Variants in FAM184A observed in about 807,000 individuals in gnomAD.
FAM184A encodes the protein protein FAM184A.
A neutral mutation model predicts 143.8 loss-of-function variants in FAM184A; 99 were observed. That is an observed-to-expected ratio of 0.69 (90% CI 0.58 to 0.81). FAM184A has a LOEUF of 0.81. Ranked by LOEUF, FAM184A falls within the 40% of genes least tolerant of loss-of-function variation. The pLI, the probability that FAM184A is intolerant of heterozygous loss-of-function variation, is 0.00. For synonymous variants in FAM184A, 427 were observed against 446.4 expected, an observed-to-expected ratio of 0.96 and a Z score of 0.55; for missense variants, 1,217 against 1,310.5, an observed-to-expected ratio of 0.93 and a Z score of 1.10.
chr6:118,977,362 A>G (rs1783877367), intron 11 of FAM184A, among the ~76,000 whole-genome samples: 1 of 152,178 alleles, frequency 6.6e-6, no homozygotes, highest in Admixed American at 6.5e-5. Flanking sequence ...CCCGTAGATC[A>G]CTTGAGGCCT....
intron 9 of FAM184A, among the ~76,000 whole-genome samples, chr6:119,001,855 G>A (rs946453068): frequency 6.6e-6 from 1 of 152,148 alleles, no homozygotes; most frequent in African/African-American, 2.4e-5. Flanking sequence ...GTCCTTGTGG[G>A]TCCCTAAAAG....
At chr6:119,048,089 C>A (rs1202787388) in intron 1 of FAM184A, among the ~76,000 whole-genome samples, 1 of 152,028 alleles carries the variant, frequency 6.6e-6, no homozygotes, top group Admixed American at 6.6e-5. Context: ...CCCAAGTGAA[C>A]AAATGTGATT....
At chr6:119,029,780 C>T (rs1353714218) in intron 1 of FAM184A, among the ~76,000 whole-genome samples, 1 of 152,086 alleles carries the variant, frequency 6.6e-6, no homozygotes, top group African/African-American at 2.4e-5. Context: ...CAAACTACAA[C>T]CTGTAGGCCA....
At chr6:119,114,345 C>T (rs546840022) in intron 1 of FAM184A, among the ~76,000 whole-genome samples, 2 of 152,192 alleles carry the variant, frequency 1.3e-5, no homozygotes, top group Non-Finnish European at 2.9e-5. Flanking sequence ...CCTGATTCCT[C>T]CCATGAATTT....
chr6:119,033,990 C>CAAAAA (rs59719185), intron 1 of FAM184A, among the ~76,000 whole-genome samples: 3 of 17,392 alleles, frequency 1.7e-4, no homozygotes, highest in Non-Finnish European at 2.7e-4. Context: ...GACTCTGTCT[C>CAAAAA]AAAAAAAAAA....
rs200506769 is a variant in FAM184A at position 119,078,170 on chromosome 6, T to C, written c.130A>G (p.Met44Val). ...GTGAGCTGGGCGATTTTCTTGCTCATTTTCAGGTGCATCTCCTGGCTGTAG... is the reference window on the plus strand; with the variant it reads ...GTGAGCTGGGCGATTTTCTTGCTCACTTTCAGGTGCATCTCCTGGCTGTAG... ...MDYSQEMHLK[M>V]SKKIAQLTKV... The change falls in exon 1 of 18, where the codon ATG becomes GTG. Residue 44 changes from methionine (M) to valine (V), a missense_variant. Coordinates refer to ENST00000338891, the MANE Select transcript of FAM184A (RefSeq NM_024581.6). This position sits in a 1 kb window ranked among gnomAD's most constrained non-coding sequence, Gnocchi z 5.5. 85 of 1,593,228 alleles carry C rather than the reference T, an allele frequency of 5.3e-5. No homozygotes were observed. In the African/African-American group the frequency reaches 1.0e-3, roughly 20 times the overall value.
intron 1 of FAM184A, among the ~76,000 whole-genome samples, chr6:119,087,459 T>C (rs1486759006): frequency 6.6e-6 from 1 of 152,124 alleles, no homozygotes; most frequent in East Asian, 1.9e-4. Flanking sequence ...AAAGAAGATA[T>C]ACAGATGGCT....
chr6:118,975,118 G>A lies in FAM184A; in HGVS notation c.2674C>T (p.His892Tyr). Reference sequence around the variant, plus strand: ...AGGGCACTTATATTCTCATGAAGGTGCTGAACCTCCTTATCCAATTCAGAG... The same window carrying A: ...AGGGCACTTATATTCTCATGAAGGTACTGAACCTCCTTATCCAATTCAGAG... Reference protein sequence around the residue: ...HISELDKEVQHLHENISALTK... With the variant: ...HISELDKEVQYLHENISALTK... The change falls in exon 13 of 18, where the codon CAC becomes TAC. Residue 892 changes from histidine (H) to tyrosine (Y), a missense_variant. Coordinates refer to ENST00000338891, the MANE Select transcript of FAM184A (RefSeq NM_024581.6). The A allele has an allele frequency of 1.9e-6, 3 of 1,612,668 alleles. No homozygotes were observed. Among genetic ancestry groups the A allele is most frequent in the Non-Finnish European group, 2.5e-6 (3 of 1,179,122 alleles).
chr6:119,006,727 GATTA>G (rs545056624), intron 6 of FAM184A, 119 bp from the exon 7 acceptor site: 110 of 776,330 alleles, frequency 1.4e-4, no homozygotes, highest in Admixed American at 8.7e-4. Flanking sequence ...ATGATTTCCT[GATTA>G]ATTTGGAAAA....
In FAM184A at chr6:118,979,474, T is replaced by C. The variant is rs1039753349; in HGVS notation, c.2346A>G (p.Gln782=). The C allele has an allele frequency of 1.9e-6, 3 of 1,613,750 alleles. No homozygotes were observed. Among genetic ancestry groups the C allele is most frequent in the Admixed American group, 1.7e-5 (1 of 59,974 alleles). ...HLQQKHSAEL[Q]SLKDAHRESM... is the part of the protein sequence containing the mutation. ...ACTCTCTGTGTGCATCTTTTAGTGA[T>C]TGAAGCTCTGCAGAATGCTTCTGTT... Residue 782 remains glutamine (Q), a synonymous_variant, in exon 11 of 18, where the codon CAA becomes CAG. Coordinates refer to ENST00000338891, the MANE Select transcript of FAM184A (RefSeq NM_024581.6).
intron 1 of FAM184A, among the ~76,000 whole-genome samples, chr6:119,050,404 A>T (rs952952697): frequency 6.6e-6 from 1 of 152,146 alleles, no homozygotes; most frequent in African/African-American, 2.4e-5. Context: ...ACTATTCACA[A>T]TAGCAAAGAC....
rs1272514227 is a variant in FAM184A at position 119,016,736 on chromosome 6, T to C, written c.1530+11A>G. On this transcript the variant is annotated intron_variant, in intron 5 of 17. Coordinates refer to ENST00000338891, the MANE Select transcript of FAM184A (RefSeq NM_024581.6). Reference sequence around the variant, plus strand: ...ATTTACAATGCAATGATAAATTAAATTTTTACTCACCATTTGCAGTTTTTT... The same window carrying C: ...ATTTACAATGCAATGATAAATTAAACTTTTACTCACCATTTGCAGTTTTTT... 6 of 1,605,104 alleles carry C rather than the reference T, an allele frequency of 3.7e-6. No individual in the cohort carries two copies. The Middle Eastern group carries it at 5.0e-4, about 133-fold the overall frequency.
chr6:119,148,034 G>A (rs1181241926), intron 1 of FAM184A, among the ~76,000 whole-genome samples: 2 of 152,174 alleles, frequency 1.3e-5, no homozygotes, highest in South Asian at 2.1e-4. Context: ...TTCTCATTTG[G>A]TTGGTCTTTG....
At chr6:119,042,736 G>T (rs919442721) in intron 1 of FAM184A, among the ~76,000 whole-genome samples, 1 of 152,148 alleles carries the variant, frequency 6.6e-6, no homozygotes, top group African/African-American at 2.4e-5. Flanking sequence ...TGGACTTTAG[G>T]TAATAATGAT....
chr6:119,038,454 G>A (rs547655903), intron 1 of FAM184A, among the ~76,000 whole-genome samples: 1 of 152,090 alleles, frequency 6.6e-6, no homozygotes, highest in African/African-American at 2.4e-5. Context: ...TGCAGTAAAG[G>A]AGTCAGCTAA....
At chr6:119,083,188 G>T (rs1425851208), upstream of FAM184A, among the ~76,000 whole-genome samples, 1 of 152,152 alleles carries the variant, frequency 6.6e-6, no homozygotes, top group African/African-American at 2.4e-5. Flanking sequence ...GTACAAAGTG[G>T]CAAGGCCTTG....
Position 118,966,892 on chromosome 6 carries a change from C to A in FAM184A, c.2976G>T (p.Met992Ile). 1 of 1,590,852 alleles carries A rather than the reference C, an allele frequency of 6.3e-7. No individual in the cohort carries two copies. Among genetic ancestry groups the A allele is most frequent in the Non-Finnish European group, 8.6e-7 (1 of 1,161,950 alleles). The change falls in exon 15 of 18, where the codon ATG becomes ATT. Residue 992 changes from methionine (M) to isoleucine (I), a missense_variant. Met to Ile is a conservative substitution (Grantham distance 10). Transcript: ENST00000338891. ...MRESKPEDIQ[M>I]ITELKAMLTE... ...TAAGCATGGCTTTTAATTCTGTAATCATCTGTATATCTTCTGGTTTTGATT... is the reference window on the plus strand; with the variant it reads ...TAAGCATGGCTTTTAATTCTGTAATAATCTGTATATCTTCTGGTTTTGATT...
chr6:119,035,956 G>C (rs899680292), intron 1 of FAM184A, among the ~76,000 whole-genome samples: 16 of 152,098 alleles, frequency 1.1e-4, no homozygotes, highest in African/African-American at 3.6e-4. Context: ...GCTATGTCAG[G>C]GGACATTGGT....
chr6:119,128,435 A>G (rs1030530862), intron 1 of FAM184A, among the ~76,000 whole-genome samples: 5 of 152,096 alleles, frequency 3.3e-5, no homozygotes, highest in Non-Finnish European at 7.4e-5. Context: ...GTTTGGCATT[A>G]TTTTGTCTTG....
Sources: gnomAD v4.1 joint callset for allele counts (sites outside exome capture counted in the v4.1 genomes callset) on GRCh38, gnomAD v4.1.1 for gene constraint, Gnocchi (gnomAD v3.1) non-coding constraint, MANE v1.5 for transcripts, NCBI Gene and HGNC (gene_info 2026-07-23, HGNC 2026-07-21) for gene names.